Variants in NDOR1 observed in about 807,000 individuals in gnomAD.
The protein encoded by NDOR1 is NADPH dependent diflavin oxidoreductase 1, also known as NADPH-dependent diflavin oxidoreductase 1.
A neutral mutation model predicts 67.2 loss-of-function variants in NDOR1; 61 were observed. The observed-to-expected ratio is 0.91, with a 90% CI of 0.74 to 1.12. The LOEUF (loss-of-function observed/expected upper bound fraction) is 1.12, where lower values mean the gene tolerates loss of function less well. Among genes scored for constraint, NDOR1 ranks in the 50% most tolerant of loss-of-function variants. The pLI, the probability that NDOR1 is intolerant of heterozygous loss-of-function variation, is 0.00. For synonymous variants in NDOR1, 378 were observed against 343.7 expected, an observed-to-expected ratio of 1.10 and a Z score of -1.10; for missense variants, 878 against 802.8, an observed-to-expected ratio of 1.09 and a Z score of -1.13.
intron 2 of NDOR1, among the ~76,000 whole-genome samples, chr9:137,210,134 C>T (rs892210380): frequency 2.6e-4 from 40 of 152,340 alleles, no homozygotes; most frequent in Middle Eastern, 3.4e-3. Flanking sequence ...CAGGCAGAGA[C>T]GGGCACAGGC....
rs141362766 is a variant in NDOR1 at position 137,215,151 on chromosome 9, C to T, written c.1122C>T (p.Asp374=). The T allele has an allele frequency of 2.5e-5, 41 of 1,613,538 alleles. No homozygotes were observed. The highest frequency in any genetic ancestry group is 3.3e-5 in the Non-Finnish European group (39 of 1,180,002). The change falls in exon 9 of 14, where the codon GAC becomes GAT. Residue 374 remains aspartate (D), a synonymous_variant. Transcript: ENST00000684003. ...CCATCCCTCCCGACTACCTGTTGGACCTCATCCCCGTTATCCGGCCGAGGG... is the reference window on the plus strand; with the variant it reads ...CCATCCCTCCCGACTACCTGTTGGATCTCATCCCCGTTATCCGGCCGAGGG... ...AAAIPPDYLL[D]LIPVIRPRAF... is the part of the protein sequence containing the mutation.
rs1270127761 is a variant in NDOR1 at position 137,212,538 on chromosome 9, T to A, written c.250T>A (p.Ser84Thr). Residue 84 changes from serine (S) to threonine (T), a missense_variant, in exon 3 of 14, where the codon TCC becomes ACC. Ser to Thr is a moderately conservative substitution (Grantham distance 58, BLOSUM62 1). Coordinates refer to ENST00000684003, the MANE Select transcript of NDOR1 (RefSeq NM_014434.4). This position sits in a 1 kb window ranked among gnomAD's most constrained non-coding sequence, Gnocchi z 4.3. ...GTTTATATTCCGGAAGAACCTGCCCTCCACTGCCCTCTGTCAGATGGACTT... is the reference window on the plus strand; with the variant it reads ...GTTTATATTCCGGAAGAACCTGCCCACCACTGCCCTCTGTCAGATGGACTT... ...WRFIFRKNLP[S>T]TALCQMDFAV... is the part of the protein sequence containing the mutation. 6.2e-7 allele frequency: 1 copy of A among 1,614,054 alleles called. No homozygotes were observed. The highest frequency in any genetic ancestry group is 8.5e-7 in the Non-Finnish European group (1 of 1,179,966).
intron 7 of NDOR1, 48 bp from the exon 8 acceptor site, chr9:137,214,750 C>G (rs1350349733): frequency 1.9e-6 from 3 of 1,596,414 alleles, no homozygotes; most frequent in South Asian, 1.1e-5. Context: ...GGGCCCCCAC[C>G]CCAAGGGCTC....
chr9:137,205,735 C>T lies in NDOR1; in HGVS notation c.-43C>T, dbSNP rs754539329. On this transcript the variant is annotated 5_prime_UTR_variant, in exon 1 of 14. Coordinates refer to ENST00000684003, the MANE Select transcript of NDOR1 (RefSeq NM_014434.4). The stretch of plus-strand genomic sequence containing the variant: ...CTGCAACCCGGCCGGCGGGAACTGC[C>T]TTCTAGTTTTTAGTCTCAGACCAGA... 8.1e-6 allele frequency: 13 copies of T among 1,599,132 alleles called. No individual in the cohort carries two copies. The highest frequency in any genetic ancestry group is 2.7e-5 in the African/African-American group (2 of 74,894).
intron 6 of NDOR1, 66 bp from the exon 7 acceptor site, chr9:137,214,504 T>C: frequency 6.2e-7 from 1 of 1,609,342 alleles, no homozygotes; most frequent in Non-Finnish European, 8.5e-7. Flanking sequence ...AGGGGATGAC[T>C]TCTATCCGGG....
At position 137,206,303 on chromosome 9, in the gene NDOR1, C is replaced by T. The variant is rs1459415457; in HGVS notation, c.207C>T (p.Asn69=). 1 of 1,613,998 alleles carries T rather than the reference C, an allele frequency of 6.2e-7. No individual in the cohort carries two copies. The highest frequency in any genetic ancestry group is 1.3e-5 in the African/African-American group (1 of 75,050). The change falls in exon 2 of 14, where the codon AAC becomes AAT. Residue 69 remains asparagine (N), a synonymous_variant. Coordinates refer to ENST00000684003, the MANE Select transcript of NDOR1 (RefSeq NM_014434.4). ...CAGGCCAAGGAGACCCCCCTGACAA[C>T]ATGAAGGTAAGGCTGGCCTGATGTG... The part of the protein sequence containing the change: ...ATTGQGDPPD[N]MKNFWRFIFR...
rs765684308 is a variant in NDOR1 at position 137,214,972 on chromosome 9, A to G, written c.1019A>G (p.Glu340Gly). The G allele has an allele frequency of 4.3e-6, 7 of 1,613,426 alleles. No homozygotes were observed. Among genetic ancestry groups the G allele is most frequent in the African/African-American group, 1.3e-5 (1 of 74,908 alleles). The change falls in exon 8 of 14, where the codon GAG (glutamate) becomes GGG (glycine). Residue 340 changes from glutamate to glycine, a missense_variant. Glu to Gly is a moderately conservative substitution (Grantham distance 98). Coordinates refer to ENST00000684003, the MANE Select transcript of NDOR1 (RefSeq NM_014434.4). ...GAGTTCAGTTCTGCCCAAGGCCAGG[A>G]GGAGCTCTTTGAATACTGCAACCGG... ...LLEFSSAQGQ[E>G]ELFEYCNRPR... is the part of the protein sequence containing the mutation.
In NDOR1 at chr9:137,214,012, G is replaced by A; in HGVS notation, c.456G>A (p.Arg152=). 1 of 1,551,950 alleles carries A rather than the reference G, an allele frequency of 6.4e-7. No individual in the cohort carries two copies. Among genetic ancestry groups the A allele is most frequent in the Admixed American group, 1.9e-5 (1 of 51,414 alleles). ...VDPWLRDLWD[R]VLGLYPPPPG... is the part of the protein sequence containing the mutation. ...CCTGGCTGCGAGACTTGTGGGACAGGGTTCTGGGGCTGTACCCGCCGCCTC... is the reference window on the plus strand; with the variant it reads ...CCTGGCTGCGAGACTTGTGGGACAGAGTTCTGGGGCTGTACCCGCCGCCTC... The change falls in exon 5 of 14, where the codon AGG becomes AGA. Residue 152 remains arginine (R), a synonymous_variant. Coordinates refer to ENST00000684003, the MANE Select transcript of NDOR1 (RefSeq NM_014434.4).
Position 137,205,770 on chromosome 9 carries a change from G to T in NDOR1, c.-8G>T, listed in dbSNP as rs1166850126. ...TTAGTCTCAGACCAGACCACCGGGC[G>T]CACCCCGATGCCGAGCCCGCAGCTT... On this transcript the variant is annotated 5_prime_UTR_variant, in exon 1 of 14. Coordinates refer to ENST00000684003, the MANE Select transcript of NDOR1 (RefSeq NM_014434.4). 14 of 1,602,846 alleles carry T rather than the reference G, an allele frequency of 8.7e-6. No individual in the cohort carries two copies. The Admixed American group carries it at 2.3e-4, about 27-fold the overall frequency.
intron 2 of NDOR1, among the ~76,000 whole-genome samples, chr9:137,209,874 C>T (rs898740790): frequency 1.4e-4 from 22 of 152,210 alleles, no homozygotes; most frequent in African/African-American, 2.2e-4. Flanking sequence ...GGTGGATCAC[C>T]TGAGGTCAGG....
rs1223775748 is a variant in NDOR1 at position 137,217,546 on chromosome 9, A to AC, written c.*1131dup. The AC allele has an allele frequency of 6.3e-6, 1 of 159,440 alleles. No homozygotes were observed. The highest frequency in any genetic ancestry group is 1.4e-5 in the Non-Finnish European group (1 of 73,348). 9.9% of individuals were successfully genotyped at this position (159,440 alleles called of 1,614,324 possible). The stretch of plus-strand genomic sequence containing the variant: ...GATCTGTCGTCGGCGGGTCGCTGGC[A>AC]CAGGACTAAACATGGCTGAGGCTGG... On this transcript the variant is annotated 3_prime_UTR_variant, in exon 14 of 14. Transcript: ENST00000684003.
chr9:137,205,808 G>C lies in NDOR1; in HGVS notation c.31G>C (p.Gly11Arg). Residue 11 changes from glycine (G) to arginine (R), a missense_variant, in exon 1 of 14, where the codon GGC becomes CGC. By Grantham distance (125) the Gly-to-Arg change is moderately radical. Transcript: ENST00000684003. MPSPQLLVLF[G>R]SQTGTAQDVS... ...GAGCCCGCAGCTTCTGGTGCTCTTCGGCAGCCAGACAGGCACGGCTCAGGA... is the reference window on the plus strand; with the variant it reads ...GAGCCCGCAGCTTCTGGTGCTCTTCCGCAGCCAGACAGGCACGGCTCAGGA... 6.2e-7 allele frequency: 1 copy of C among 1,605,290 alleles called. No homozygotes were observed. Among genetic ancestry groups the C allele is most frequent in the Non-Finnish European group, 8.5e-7 (1 of 1,179,666 alleles).
Position 137,214,294 on chromosome 9 carries a change from G to C in NDOR1, c.603G>C (p.Glu201Asp). ...GGGTAGCTCACCCCGGCTCTCAGGA[G>C]CCCCCGTCAGAGTCGAAGCCCTTCC... ...GQRVAHPGSQ[E>D]PPSESKPFLA... The change falls in exon 6 of 14, where the codon GAG becomes GAC. Residue 201 changes from glutamate to aspartate, a missense_variant. By Grantham distance (45) the Glu-to-Asp change is conservative (BLOSUM62 2). Transcript: ENST00000684003. 3.7e-6 allele frequency: 6 copies of C among 1,613,960 alleles called. No individual in the cohort carries two copies. The highest frequency in any genetic ancestry group is 5.1e-6 in the Non-Finnish European group (6 of 1,180,032).
chr9:137,214,081 C>T lies in NDOR1; in HGVS notation c.512+13C>T, dbSNP rs745624328. 8.5e-6 allele frequency: 13 copies of T among 1,534,914 alleles called. No homozygotes were observed. Among genetic ancestry groups the T allele is most frequent in the East Asian group, 7.3e-5 (3 of 40,864 alleles). Reference sequence around the variant, plus strand: ...CTCCCGGAGTCCCGTGAGTGTGGGCCCCGGGTCACCCACAGGCGCAGCAGA... The same window carrying T: ...CTCCCGGAGTCCCGTGAGTGTGGGCTCCGGGTCACCCACAGGCGCAGCAGA... On this transcript the variant is annotated intron_variant, in intron 5 of 13. Transcript: ENST00000684003.
chr9:137,213,566 C>T (rs1835364306), intron 3 of NDOR1, among the ~76,000 whole-genome samples: 1 of 151,978 alleles, frequency 6.6e-6, no homozygotes, highest in African/African-American at 2.4e-5. Context: ...TGCTGCTTGG[C>T]ACCCTGGCAG....
chr9:137,215,840 C>T (rs960105344), intron 11 of NDOR1, 35 bp downstream of exon 11: 12 of 1,607,544 alleles, frequency 7.5e-6, no homozygotes, highest in Non-Finnish European at 8.5e-6. Flanking sequence ...GGGTTGTTGC[C>T]AGGGCTCCCC....
In NDOR1 at chr9:137,206,293, C is replaced by T; in HGVS notation, c.197C>T (p.Pro66Leu). 1 of 1,613,954 alleles carries T rather than the reference C, an allele frequency of 6.2e-7. No homozygotes were observed. Among genetic ancestry groups the T allele is most frequent in the Non-Finnish European group, 8.5e-7 (1 of 1,179,994 alleles). ...TGTGCAACTACAGGCCAAGGAGACC[C>T]CCCTGACAACATGAAGGTAAGGCTG... Reference protein sequence around the residue: ...FVCATTGQGDPPDNMKNFWRF... With the variant: ...FVCATTGQGDLPDNMKNFWRF... Residue 66 changes from proline to leucine, a missense_variant, in exon 2 of 14, where the codon CCC (proline) becomes CTC (leucine). By Grantham distance (98) the Pro-to-Leu change is moderately conservative. Coordinates refer to ENST00000684003, the MANE Select transcript of NDOR1 (RefSeq NM_014434.4).
Position 137,212,939 on chromosome 9 carries a change from C to T in NDOR1, c.311+340C>T. On this transcript the variant is annotated intron_variant, in intron 3 of 13. Coordinates refer to ENST00000684003, the MANE Select transcript of NDOR1 (RefSeq NM_014434.4). The surrounding 1 kb of genome is among the most constrained non-coding windows in gnomAD (Gnocchi z 4.3). ...AGGAGGACCCCGTATGCTCCTGCCACCCCAGAGGCCACCTCTGCCTTTTCT... is the reference window on the plus strand; with the variant it reads ...AGGAGGACCCCGTATGCTCCTGCCATCCCAGAGGCCACCTCTGCCTTTTCT... 3.2e-6 allele frequency: 1 copy of T among 308,988 alleles called. No homozygotes were observed. The highest frequency in any genetic ancestry group is 4.4e-5 in the Admixed American group (1 of 22,578). 19.1% of individuals were successfully genotyped at this position (308,988 alleles called of 1,614,324 possible). A position where few individuals can be genotyped will look rare whatever the true frequency, so the allele number is the denominator to read the frequency against.
chr9:137,211,074 G>A (rs1835230021), intron 2 of NDOR1, among the ~76,000 whole-genome samples: 1 of 152,220 alleles, frequency 6.6e-6, no homozygotes, highest in Admixed American at 6.5e-5. Context: ...CTGGGAGGCG[G>A]AGGTTGCGGT....
Sources: allele counts gnomAD v4.1 joint callset (sites outside exome capture counted in the v4.1 genomes callset), GRCh38; gene constraint gnomAD v4.1.1; non-coding constraint Gnocchi (gnomAD v3.1); transcripts MANE v1.5; gene names NCBI Gene and HGNC (gene_info 2026-07-23, HGNC 2026-07-21).